The following PTPRD variants were observed in gnomAD, a reference collection of about 807,000 sequenced individuals.
PTPRD encodes the protein receptor-type tyrosine-protein phosphatase delta.
A neutral mutation model predicts 214.5 loss-of-function variants in PTPRD; 34 were observed. The observed-to-expected ratio is 0.16, with a 90% CI of 0.12 to 0.21. The LOEUF (loss-of-function observed/expected upper bound fraction) is 0.21, where lower values mean the gene tolerates loss of function less well. Among genes scored for constraint, PTPRD ranks in the 10% least tolerant of loss-of-function variants. The pLI, the probability that PTPRD is intolerant of heterozygous loss-of-function variation, is 1.00. For missense variants in PTPRD, 2,545 were observed against 2,398.7 expected (o/e 1.06, Z -1.27); for synonymous variants, 1,128 against 845.7 (o/e 1.33, Z -5.79).
At chr9:10,584,602 G>C (rs2073283635) in intron 2 of PTPRD, among the ~76,000 whole-genome samples, 1 of 152,098 alleles carries the variant, frequency 6.6e-6, no homozygotes. Flanking sequence ...CTCTTGTAAA[G>C]GATTTACAAG....
At chr9:8,852,767 GTC>G (rs2097845270) in intron 11 of PTPRD, among the ~76,000 whole-genome samples, 3 of 152,294 alleles carry the variant, frequency 2.0e-5, no homozygotes, top group Admixed American at 6.5e-5. Flanking sequence ...CAGTTTTGCT[GTC>G]TCTCTCTTTT....
At chr9:9,664,330 C>T (rs140971351) in intron 7 of PTPRD, among the ~76,000 whole-genome samples, 18 of 151,588 alleles carry the variant, frequency 1.2e-4, no homozygotes, top group South Asian at 8.3e-4. Flanking sequence ...GCTTTTCTAA[C>T]GCATAGGGCA....
At chr9:9,634,808 A>C (rs571859263) in intron 7 of PTPRD, among the ~76,000 whole-genome samples, 2 of 152,290 alleles carry the variant, frequency 1.3e-5, no homozygotes, top group African/African-American at 4.8e-5. Context: ...CACTGTGTTA[A>C]TGGGAACTCT....
chr9:8,780,373 C>T (rs62528835), intron 11 of PTPRD, among the ~76,000 whole-genome samples: 31,366 of 151,794 alleles, frequency 0.21, 3,583 homozygotes, highest in African/African-American at 0.31. Flanking sequence ...GCTCAACCTG[C>T]GCTAGGCACA....
rs373573904 is a variant in PTPRD at position 9,753,247 on chromosome 9, T to A, written c.-326+13563A>T. Among the ~76,000 whole-genome samples, 442 of 152,160 alleles carry A rather than the reference T, an allele frequency of 2.9e-3. 2 individuals are homozygous for A. The highest frequency in any genetic ancestry group is 0.01 in the African/African-American group (419 of 41,542). On this transcript the variant is annotated intron_variant, in intron 6 of 45. Transcript: ENST00000381196. ...CTATTCCAGAAAGAATCATTCAGTTTCATTTTGTAGCTTCATAGCCCAGAA... is the reference window on the plus strand; with the variant it reads ...CTATTCCAGAAAGAATCATTCAGTTACATTTTGTAGCTTCATAGCCCAGAA...
intron 12 of PTPRD, among the ~76,000 whole-genome samples, chr9:8,652,444 G>T (rs972147884): frequency 6.6e-6 from 1 of 152,162 alleles, no homozygotes; most frequent in Non-Finnish European, 1.5e-5. Context: ...CAGCTGATGG[G>T]CCCAGCCCCC....
At chr9:9,790,307 A>G (rs535281264) in intron 5 of PTPRD, among the ~76,000 whole-genome samples, 1 of 152,106 alleles carries the variant, frequency 6.6e-6, no homozygotes, top group South Asian at 2.1e-4. Flanking sequence ...CCTCCTCATC[A>G]TCTAATTTGT....
intron 10 of PTPRD, among the ~76,000 whole-genome samples, chr9:9,179,067 C>T (rs2099926604): frequency 6.6e-6 from 1 of 152,046 alleles, no homozygotes; most frequent in South Asian, 2.1e-4. Flanking sequence ...TTTATGTCTC[C>T]AAACTAGTGC....
intron 11 of PTPRD, among the ~76,000 whole-genome samples, chr9:8,772,842 T>C (rs898942837): frequency 1.3e-5 from 2 of 152,154 alleles, no homozygotes; most frequent in Non-Finnish European, 1.5e-5. Context: ...GGGTGCTAGA[T>C]ATTTTTGTGT....
chr9:9,788,330 T>C (rs997048385), intron 5 of PTPRD, among the ~76,000 whole-genome samples: 1 of 150,466 alleles, frequency 6.6e-6, no homozygotes, highest in African/African-American at 2.4e-5. Context: ...GGTGGGTGGA[T>C]CACGAAGTCA....
At chr9:9,965,989 G>C (rs1445308169) in intron 4 of PTPRD, among the ~76,000 whole-genome samples, 1 of 152,186 alleles carries the variant, frequency 6.6e-6, no homozygotes, top group Non-Finnish European at 1.5e-5. Flanking sequence ...ATTGCTAAAA[G>C]CAAGCACAAA....
chr9:8,711,093 A>G (rs1385102206), intron 12 of PTPRD, among the ~76,000 whole-genome samples: 4 of 152,098 alleles, frequency 2.6e-5, no homozygotes, highest in African/African-American at 4.8e-5. Flanking sequence ...ATGTTATTTC[A>G]TGCCATAACT....
intron 9 of PTPRD, among the ~76,000 whole-genome samples, chr9:9,367,974 C>T (rs150583374): frequency 6.0e-4 from 91 of 151,798 alleles, no homozygotes; most frequent in African/African-American, 2.0e-3. Flanking sequence ...TGGGTGACAT[C>T]GTATATGTTG....
chr9:10,235,479 A>T (rs772775270), intron 3 of PTPRD, among the ~76,000 whole-genome samples: 18 of 151,992 alleles, frequency 1.2e-4, no homozygotes, highest in Non-Finnish European at 2.4e-4. Context: ...AGGCTATGGT[A>T]TCCCACTTAA....
chr9:8,909,723 T>C (rs77437903), intron 11 of PTPRD, among the ~76,000 whole-genome samples: 4,518 of 151,680 alleles, frequency 0.03, 199 homozygotes, highest in African/African-American at 0.098. Context: ...TCTGGAACCA[T>C]GTAAACATCA....
intron 7 of PTPRD, among the ~76,000 whole-genome samples, chr9:9,641,361 G>A (rs1205472258): frequency 6.6e-6 from 1 of 152,160 alleles, no homozygotes; most frequent in Admixed American, 6.5e-5. Flanking sequence ...ATCTTTGCTA[G>A]TATTTTGCAA....
intron 2 of PTPRD, among the ~76,000 whole-genome samples, chr9:10,540,569 G>C (rs1453250622): frequency 6.6e-6 from 1 of 152,090 alleles, no homozygotes; most frequent in Non-Finnish European, 1.5e-5. Flanking sequence ...CATTTTGCTT[G>C]CTTCTTTTCA....
chr9:10,091,001 C>T (rs914721462), intron 3 of PTPRD, among the ~76,000 whole-genome samples: 1 of 149,980 alleles, frequency 6.7e-6, no homozygotes, highest in Non-Finnish European at 1.5e-5. Flanking sequence ...AATGTTGCCT[C>T]ATTTTCCATT....
intron 10 of PTPRD, among the ~76,000 whole-genome samples, chr9:9,085,985 C>G (rs192048604): frequency 3.9e-4 from 60 of 152,112 alleles, no homozygotes; most frequent in African/African-American, 1.4e-3. Flanking sequence ...TTTGGGCTAG[C>G]CTTACAAAAG....
Sources: allele counts gnomAD v4.1 joint callset (sites outside exome capture counted in the v4.1 genomes callset), GRCh38; gene constraint gnomAD v4.1.1; transcripts MANE v1.5; gene names NCBI Gene and HGNC (gene_info 2026-07-23, HGNC 2026-07-21).